SERBP1: variants seen among roughly 807,000 people sequenced by gnomAD.
The protein encoded by SERBP1 is SERPINE1 mRNA binding protein 1.
In SERBP1, 6 loss-of-function variants were observed where a neutral mutation model predicts 50.2. That is an observed-to-expected ratio of 0.12 (90% CI 0.07 to 0.24). The LOEUF is 0.24. Ranked by LOEUF, SERBP1 falls within the 10% of genes least tolerant of loss-of-function variation. The pLI is 1.00. For synonymous variants in SERBP1, 168 were observed against 182.8 expected (o/e 0.92, Z 0.65); for missense variants, 346 against 524.9 (o/e 0.66, Z 3.33).
chr1:67,426,609 C>A (rs1241724120), intron 1 of SERBP1, among the ~76,000 whole-genome samples: 1 of 152,162 alleles, frequency 6.6e-6, no homozygotes, highest in East Asian at 1.9e-4. Context: ...ATTTGGGCAA[C>A]CATTATTCCC....
chr1:67,423,247 C>T (rs1667261628), intron 5 of SERBP1, among the ~76,000 whole-genome samples: 1 of 151,068 alleles, frequency 6.6e-6, no homozygotes, highest in Non-Finnish European at 1.5e-5. Flanking sequence ...TGCAGTGAGC[C>T]GACAGTGCCA....
At position 67,412,634 on chromosome 1, in the gene SERBP1, GA is replaced by G. The variant is rs1228744402; in HGVS notation, c.*572del. 6.6e-6 allele frequency: 1 copy of G among 152,490 alleles called. No homozygotes were observed. The highest frequency in any genetic ancestry group is 2.4e-5 in the African/African-American group (1 of 41,382). The allele number at this position is 152,490 out of a possible 1,614,324, so 9.4% of individuals were successfully genotyped here. A position where few individuals can be genotyped will look rare whatever the true frequency, so the allele number is the denominator to read the frequency against. ...ATATATAACAGCTATCATGAGAAGT[GA>G]AAAAAGATTTTTCCCCAAAAATGAA... is the stretch of plus-strand genomic sequence containing the variant. On this transcript the variant is annotated 3_prime_UTR_variant, in exon 8 of 8. Coordinates refer to ENST00000361219, the MANE Select transcript of SERBP1 (RefSeq NM_001018069.2).
intron 5 of SERBP1, among the ~76,000 whole-genome samples, chr1:67,421,244 T>C (rs1270423487): frequency 6.6e-6 from 1 of 151,932 alleles, no homozygotes; most frequent in African/African-American, 2.4e-5. Context: ...TCTAAGAATA[T>C]AAAAAAAGTC....
At position 67,426,262 on chromosome 1, in the gene SERBP1, G is replaced by C. The variant is rs1667376029; in HGVS notation, c.337C>G (p.Pro113Ala). The C allele has an allele frequency of 6.3e-7, 1 of 1,595,144 alleles. No individual in the cohort carries two copies. Among genetic ancestry groups the C allele is most frequent in the Admixed American group, 1.8e-5 (1 of 56,108 alleles). The change falls in exon 2 of 8, where the codon CCT becomes GCT. Residue 113 changes from proline (P) to alanine (A), a missense_variant. By Grantham distance (27) the Pro-to-Ala change is conservative. This residue lies in a region of SERBP1 where 257 missense variants were observed against 331.2 expected (regional missense o/e 0.78). Transcript: ENST00000361219. ...KEGIRRVGRR[P>A]DQQLQGEGKI... is the part of the protein sequence containing the mutation. ...CCTTCACCCTGAAGTTGTTGATCAGGTCTTCTTCCAACTCGTCTTATTCCT... is the reference window on the plus strand; with the variant it reads ...CCTTCACCCTGAAGTTGTTGATCAGCTCTTCTTCCAACTCGTCTTATTCCT...
rs574185319 is a variant in SERBP1 at position 67,409,291 on chromosome 1, C to A, written c.*3916G>T. The A allele has an allele frequency of 6.7e-6, 1 of 149,784 alleles. No homozygotes were observed. Among genetic ancestry groups the A allele is most frequent in the African/African-American group, 2.4e-5 (1 of 40,842 alleles). 9.3% of individuals were successfully genotyped at this position (149,784 alleles called of 1,614,324 possible). On this transcript the variant is annotated 3_prime_UTR_variant, in exon 8 of 8. Transcript: ENST00000361219. ...GGTCAGCAAACATTTCTGTGAAAGG[C>A]GGTATCTTATGCTGGGCTGCCTACA...
chr1:67,421,441 T>C (rs563887503), intron 5 of SERBP1, among the ~76,000 whole-genome samples: 1 of 152,334 alleles, frequency 6.6e-6, no homozygotes, highest in East Asian at 1.9e-4. Flanking sequence ...CTTAAATTTA[T>C]ACTTCCATAT....
At position 67,415,265 on chromosome 1, in the gene SERBP1, G is replaced by A. The variant is rs770127512; in HGVS notation, c.1026C>T (p.Ile342=). The A allele has an allele frequency of 1.2e-6, 2 of 1,612,734 alleles. No individual in the cohort carries two copies. Among genetic ancestry groups the A allele is most frequent in the Non-Finnish European group, 1.7e-6 (2 of 1,179,374 alleles). Residue 342 remains isoleucine (I), a synonymous_variant, in exon 7 of 8, where the codon ATC becomes ATT. Coordinates refer to ENST00000361219, the MANE Select transcript of SERBP1 (RefSeq NM_001018069.2). The part of the protein sequence containing the change: ...PANDITSQLE[I]NFGDLGRPGR... The stretch of plus-strand genomic sequence containing the variant: ...CTGGGCGGCCAAGGTCTCCAAAATT[G>A]ATCTCCAGCTGAGACGTTATATCAT...
At chr1:67,427,976 A>T (rs1247126489) in intron 1 of SERBP1, among the ~76,000 whole-genome samples, 4 of 152,194 alleles carry the variant, frequency 2.6e-5, no homozygotes, top group African/African-American at 7.2e-5. Context: ...CATAAACATT[A>T]AATATCTGTC....
At chr1:67,417,956 G>GAAAGTT (rs1397343888) in intron 6 of SERBP1, among the ~76,000 whole-genome samples, 1 of 140,946 alleles carries the variant, frequency 7.1e-6, no homozygotes, top group Admixed American at 7.2e-5. Context: ...GAAGACATGT[G>GAAAGTT]AAAGTTAAAG....
intron 6 of SERBP1, 102 bp from the exon 7 acceptor site, chr1:67,415,441 T>C: frequency 8.5e-7 from 1 of 1,182,246 alleles, no homozygotes; most frequent in Non-Finnish European, 1.2e-6. Context: ...AAATCCAAAC[T>C]GTACTTTCTG....
At chr1:67,428,615 GCTTT>G (rs1372749234) in intron 1 of SERBP1, among the ~76,000 whole-genome samples, 3 of 151,760 alleles carry the variant, frequency 2.0e-5, no homozygotes, top group Non-Finnish European at 4.4e-5. Context: ...TGATATACAT[GCTTT>G]CTAATACTCC....
At chr1:67,427,175 C>A (rs570647267) in intron 1 of SERBP1, among the ~76,000 whole-genome samples, 2 of 152,132 alleles carry the variant, frequency 1.3e-5, no homozygotes, top group East Asian at 3.8e-4. Flanking sequence ...ACGTTAAGAC[C>A]GCTTTTAAGC....
chr1:67,426,300 T>C lies in SERBP1; in HGVS notation c.314-15A>G, dbSNP rs200545722. 440 of 1,568,268 alleles carry C rather than the reference T, an allele frequency of 2.8e-4. No homozygotes were observed. The African/African-American group carries it at 5.5e-3, about 20-fold the overall frequency. ...TCGTCTTATTCCTAAAACGATAAGATAACCTGCATAAGCAAATTATTTTTG... is the reference window on the plus strand; with the variant it reads ...TCGTCTTATTCCTAAAACGATAAGACAACCTGCATAAGCAAATTATTTTTG... On this transcript the variant is annotated splice_polypyrimidine_tract_variant and intron_variant, in intron 1 of 7. Transcript: ENST00000361219.
intron 5 of SERBP1, among the ~76,000 whole-genome samples, chr1:67,421,109 T>C (rs1667183922): frequency 1.3e-5 from 2 of 152,210 alleles, no homozygotes; most frequent in South Asian, 4.1e-4. Flanking sequence ...ATCTTAAAAG[T>C]TCCTCCAGTT....
intron 6 of SERBP1, among the ~76,000 whole-genome samples, chr1:67,419,574 A>G (rs1667139652): frequency 6.6e-6 from 1 of 151,102 alleles, no homozygotes; most frequent in Admixed American, 6.6e-5. Context: ...GACAGTTTCA[A>G]AAGTTGAATT....
In SERBP1 at chr1:67,415,140, A is replaced by C. The variant is rs766881702; in HGVS notation, c.1125+26T>G. ...CTTATAAGAGGTCCTTAAATTATGTAAAAGGAAAAGAAAGTCTTAAATTAC... is the reference window on the plus strand; with the variant it reads ...CTTATAAGAGGTCCTTAAATTATGTCAAAGGAAAAGAAAGTCTTAAATTAC... On this transcript the variant is annotated intron_variant, in intron 7 of 7. Transcript: ENST00000361219. 1.1e-4 allele frequency: 176 copies of C among 1,547,932 alleles called. 3 individuals carry two copies. Among genetic ancestry groups the C allele is most frequent in the Non-Finnish European group, 6.1e-5 (70 of 1,150,204 alleles).
intron 1 of SERBP1, 146 bp from the exon 2 acceptor site, chr1:67,426,431 A>T: frequency 1.6e-6 from 1 of 631,238 alleles, no homozygotes; most frequent in Non-Finnish European, 2.4e-6. Flanking sequence ...AATGTGTAAC[A>T]AAGTACCTTA....
chr1:67,426,192 C>A lies in SERBP1; in HGVS notation c.407G>T (p.Arg136Leu). 1 of 1,609,082 alleles carries A rather than the reference C, an allele frequency of 6.2e-7. No individual in the cohort carries two copies. The highest frequency in any genetic ancestry group is 8.5e-7 in the Non-Finnish European group (1 of 1,178,168). ...RRPERRPPRE[R>L]RFEKPLEEKG... is the part of the protein sequence containing the mutation. ...TTCTTCAAGTGGCTTTTCGAATCTT[C>A]GTTCACGAGGTGGTCGCCTTTCTGG... is the stretch of plus-strand genomic sequence containing the variant. Residue 136 changes from arginine (R) to leucine (L), a missense_variant, in exon 2 of 8, where the codon CGA becomes CTA. Coordinates refer to ENST00000361219, the MANE Select transcript of SERBP1 (RefSeq NM_001018069.2).
intron 6 of SERBP1, among the ~76,000 whole-genome samples, chr1:67,417,616 T>A (rs1667058711): frequency 6.6e-6 from 1 of 151,626 alleles, no homozygotes; most frequent in African/African-American, 2.4e-5. Flanking sequence ...GCTCAAGTGA[T>A]CCTCTCCCGC....
Sources: allele counts gnomAD v4.1 joint callset (sites outside exome capture counted in the v4.1 genomes callset), GRCh38; gene constraint gnomAD v4.1.1; regional missense constraint gnomAD v4.1.1; transcripts MANE v1.5; gene names NCBI Gene and HGNC (gene_info 2026-07-23, HGNC 2026-07-21).